Variants in FAM81A observed in about 807,000 individuals in gnomAD.
FAM81A encodes protein FAM81A.
A neutral mutation model predicts 46.7 loss-of-function variants in FAM81A; 19 were observed. The observed-to-expected ratio is 0.41, with a 90% CI of 0.28 to 0.60. The LOEUF (loss-of-function observed/expected upper bound fraction) is 0.60. Ranked by LOEUF, FAM81A falls within the 20% of genes least tolerant of loss-of-function variation. FAM81A has a pLI of 0.34. For synonymous variants in FAM81A, 183 were observed against 152.9 expected (o/e 1.20, Z -1.45); for missense variants, 377 against 453.5 (o/e 0.83, Z 1.53).
intron 8 of FAM81A, among the ~76,000 whole-genome samples, chr15:59,517,413 T>C (rs2082279033): frequency 1.3e-5 from 2 of 152,134 alleles, no homozygotes; most frequent in Non-Finnish European, 2.9e-5. Context: ...AGATTTTAAC[T>C]CAATATGAGG....
chr15:59,427,456 T>C (rs1252387218), intron 2 of FAM81A, among the ~76,000 whole-genome samples: 1 of 152,124 alleles, frequency 6.6e-6, no homozygotes, highest in East Asian at 1.9e-4. Context: ...TATTGACCTA[T>C]TGATAGCAAA....
At chr15:59,398,733 G>A (rs2081057371) in intron 1 of FAM81A, among the ~76,000 whole-genome samples, 1 of 137,986 alleles carries the variant, frequency 7.2e-6, no homozygotes, top group African/African-American at 2.7e-5. Flanking sequence ...ACTCCAGCCT[G>A]GGCAACAGAG....
intron 2 of FAM81A, among the ~76,000 whole-genome samples, chr15:59,424,828 A>G (rs1365123512): frequency 1.3e-5 from 2 of 152,138 alleles, no homozygotes; most frequent in Admixed American, 1.3e-4. Flanking sequence ...CCTCACTACT[A>G]CAATAGCCTT....
At position 59,460,354 on chromosome 15, in the gene FAM81A, G is replaced by T. The variant is rs1387578663; in HGVS notation, c.294+148G>T. On this transcript the variant is annotated intron_variant, in intron 3 of 8. Transcript: ENST00000288228. The surrounding 1 kb of genome is among the most constrained non-coding windows in gnomAD (Gnocchi z 4.4). ...CTTGTCTATTCTTAATGATCGCCAAGGAGACAGCTTGCAGAAATATCCTAA... is the reference window on the plus strand; with the variant it reads ...CTTGTCTATTCTTAATGATCGCCAATGAGACAGCTTGCAGAAATATCCTAA... 9.6e-7 allele frequency: 1 copy of T among 1,042,926 alleles called. No individual in the cohort carries two copies. The highest frequency in any genetic ancestry group is 1.3e-5 in the South Asian group (1 of 78,868). The allele number at this position is 1,042,926 out of a possible 1,614,324, so 64.6% of individuals were successfully genotyped here.
At chr15:59,409,487 C>T (rs953556766) in intron 2 of FAM81A, among the ~76,000 whole-genome samples, 1 of 152,136 alleles carries the variant, frequency 6.6e-6, no homozygotes, top group Admixed American at 6.5e-5. Flanking sequence ...TTGGCAGGAA[C>T]AAAGTCTTTT....
At position 59,460,296 on chromosome 15, in the gene FAM81A, A is replaced by T. The variant is rs756585386; in HGVS notation, c.294+90A>T. 6.6e-6 allele frequency: 10 copies of T among 1,517,720 alleles called. No individual in the cohort carries two copies. The African/African-American group carries it at 1.4e-4, about 21-fold the overall frequency. 94.0% of individuals were successfully genotyped at this position (1,517,720 alleles called of 1,614,324 possible). A position where few individuals can be genotyped will look rare whatever the true frequency, so the allele number is the denominator to read the frequency against. On this transcript the variant is annotated intron_variant, in intron 3 of 8. Coordinates refer to ENST00000288228, the MANE Select transcript of FAM81A (RefSeq NM_152450.3). The surrounding 1 kb of genome is among the most constrained non-coding windows in gnomAD (Gnocchi z 4.4). The stretch of plus-strand genomic sequence containing the variant: ...CACCCACATCTAACTCCTACCTCCC[A>T]GGCAGTACTGCATTTAGAACAAAGC...
chr15:59,407,105 C>G (rs2081098621), intron 2 of FAM81A: 1 of 156,642 alleles, frequency 6.4e-6, no homozygotes, highest in Non-Finnish European at 1.4e-5. Context: ...TGATGGCTTC[C>G]TCCAGCTGAG....
At chr15:59,507,407 G>A in intron 5 of FAM81A, 65 bp downstream of exon 5, 1 of 1,565,742 alleles carries the variant, frequency 6.4e-7, no homozygotes, top group Non-Finnish European at 8.7e-7. Context: ...ATAACATGGT[G>A]TTGATTATTT....
chr15:59,461,805 A>G (rs1013809392), intron 3 of FAM81A, among the ~76,000 whole-genome samples: 1 of 152,166 alleles, frequency 6.6e-6, no homozygotes, highest in African/African-American at 2.4e-5. Flanking sequence ...GCTGCTATGA[A>G]CATTTGTGAC....
At chr15:59,489,304 TACATACATATATAC>T (rs2081957446) in intron 3 of FAM81A, among the ~76,000 whole-genome samples, 2 of 150,948 alleles carry the variant, frequency 1.3e-5, no homozygotes, top group Non-Finnish European at 1.5e-5. Flanking sequence ...CATACATACA[TACATACATATATAC>T]ATACATACAT....
At chr15:59,503,951 A>T (rs1457969544) in intron 4 of FAM81A, among the ~76,000 whole-genome samples, 1 of 152,236 alleles carries the variant, frequency 6.6e-6, no homozygotes, top group African/African-American at 2.4e-5. Context: ...AAGCCAAGTG[A>T]TAGCTAGTGA....
upstream of FAM81A, among the ~76,000 whole-genome samples, chr15:59,437,212 C>G (rs533892495): frequency 2.0e-5 from 3 of 152,070 alleles, no homozygotes; most frequent in Non-Finnish European, 2.9e-5. Flanking sequence ...ATCCACAGTT[C>G]GGGCTCTTCT....
At chr15:59,476,843 C>T (rs761341041) in intron 3 of FAM81A, among the ~76,000 whole-genome samples, 15 of 151,428 alleles carry the variant, frequency 9.9e-5, no homozygotes, top group African/African-American at 3.2e-4. Context: ...GATACTTGGC[C>T]GGGCGTGGTG....
chr15:59,479,327 A>T (rs2081815908), intron 3 of FAM81A, among the ~76,000 whole-genome samples: 1 of 151,900 alleles, frequency 6.6e-6, no homozygotes, highest in Non-Finnish European at 1.5e-5. Context: ...ACTGACCAAT[A>T]TGGTGATACC....
intron 4 of FAM81A, among the ~76,000 whole-genome samples, chr15:59,492,846 G>T (rs910959603): frequency 1.3e-5 from 2 of 152,140 alleles, no homozygotes; most frequent in Admixed American, 6.6e-5. Context: ...AAAGTGTGCT[G>T]CATGGACCAG....
At chr15:59,499,410 A>G (rs555999667) in intron 4 of FAM81A, among the ~76,000 whole-genome samples, 10 of 152,300 alleles carry the variant, frequency 6.6e-5, no homozygotes, top group African/African-American at 2.4e-4. Context: ...ATATTATTTT[A>G]AACAATTGCT....
chr15:59,431,598 T>C (rs1394507326), intron 2 of FAM81A, among the ~76,000 whole-genome samples: 2 of 151,508 alleles, frequency 1.3e-5, no homozygotes, highest in Non-Finnish European at 2.9e-5. Flanking sequence ...ATTCCTGGGC[T>C]AAGTGATCCT....
At chr15:59,517,403 A>G (rs1330828056) in intron 8 of FAM81A, among the ~76,000 whole-genome samples, 4 of 152,216 alleles carry the variant, frequency 2.6e-5, no homozygotes, top group African/African-American at 9.6e-5. Context: ...ACCCGAAGAC[A>G]GATTTTAACT....
At chr15:59,442,780 T>A (rs2081314359) in intron 1 of FAM81A, among the ~76,000 whole-genome samples, 1 of 152,252 alleles carries the variant, frequency 6.6e-6, no homozygotes, top group Admixed American at 6.5e-5. Flanking sequence ...TCTCTCTGTG[T>A]GTCTGTGTAT....
Sources: allele counts gnomAD v4.1 joint callset (sites outside exome capture counted in the v4.1 genomes callset), GRCh38; gene constraint gnomAD v4.1.1; non-coding constraint Gnocchi (gnomAD v3.1); transcripts MANE v1.5; gene names NCBI Gene and HGNC (gene_info 2026-07-23, HGNC 2026-07-21).